TENM2: variants seen among roughly 807,000 people sequenced by gnomAD.
TENM2 encodes the protein teneurin transmembrane protein 2, also known as teneurin-2.
TENM2 carries 52 observed loss-of-function variants against 245.2 expected under a neutral mutation model. The ratio of observed to expected loss-of-function variants is 0.21; its 90% CI spans 0.17 to 0.27. TENM2 has a LOEUF of 0.27. Among genes scored for constraint, TENM2 ranks in the 10% least tolerant of loss-of-function variants. TENM2 has a pLI of 1.00. For missense variants in TENM2, 3,046 were observed against 3,666.8 expected, an observed-to-expected ratio of 0.83 and a Z score of 4.37; for synonymous variants, 1,363 against 1,438.9, an observed-to-expected ratio of 0.95 and a Z score of 1.19.
chr5:167,569,493 A>G (rs1774137873), intron 2 of TENM2, among the ~76,000 whole-genome samples: 2 of 152,204 alleles, frequency 1.3e-5, no homozygotes, highest in African/African-American at 2.4e-5. Context: ...AATGCCTGAC[A>G]TGGATAAAAA....
rs773352228 is a variant in TENM2 at position 168,218,588 on chromosome 5, G to A, written c.4697G>A (p.Arg1566Gln). Residue 1566 changes from arginine to glutamine, a missense_variant, in exon 23 of 29, where the codon CGG becomes CAG. By Grantham distance (43) the Arg-to-Gln change is conservative. This residue lies in a region of TENM2 where 2,704 missense variants were observed against 3,331.9 expected (regional missense o/e 0.81). Coordinates refer to ENST00000518659, the Ensembl canonical transcript of TENM2. This position sits in a 1 kb window ranked among gnomAD's most constrained non-coding sequence, Gnocchi z 5.2. ...TACATTGCAGACCTTGGAAATATTC[G>A]GATCAGGGCGGTCAGCAAGAACAAG... is the stretch of plus-strand genomic sequence containing the variant. 20 of 1,613,926 alleles carry A rather than the reference G, an allele frequency of 1.2e-5. No individual in the cohort carries two copies. Among genetic ancestry groups the A allele is most frequent in the African/African-American group, 2.7e-5 (2 of 75,004 alleles).
In TENM2 at chr5:167,631,562, C is replaced by T. The variant is rs757317755; in HGVS notation, c.503-244424C>T. 3.3e-4 allele frequency among the ~76,000 whole-genome samples: 50 copies of T among 152,122 alleles called. 1 individual carries two copies. The highest frequency in any genetic ancestry group is 6.2e-4 in the South Asian group (3 of 4,812). ...TGCAGGCCTTAGCATGGAATGTGAG[C>T]GAACTCATGACTGCTCCTCCAATGT... is the stretch of plus-strand genomic sequence containing the variant. On this transcript the variant is annotated intron_variant, in intron 2 of 28. Transcript: ENST00000518659.
chr5:167,133,429 A>G, the TENM2 span, among the ~76,000 whole-genome samples: 3 of 152,174 alleles, frequency 2.0e-5, no homozygotes, highest in Non-Finnish European at 4.4e-5. Context: ...ACTCCATTAA[A>G]GAATAGAATA....
the TENM2 span, among the ~76,000 whole-genome samples, chr5:167,214,525 T>C: frequency 1.3e-5 from 2 of 152,200 alleles, no homozygotes; most frequent in African/African-American, 4.8e-5. Flanking sequence ...CAGCTCTCTT[T>C]TTTGTCTATA....
Position 168,162,810 on chromosome 5 carries a change from C to G in TENM2, c.2569+53C>G. ...CCCTAAGAGCAGAGCGTTGTCCATG[C>G]TTTTGTCATAAGTCATTTTTCTTCG... On this transcript the variant is annotated intron_variant, in intron 13 of 28. Transcript: ENST00000518659. 1.3e-5 allele frequency: 21 copies of G among 1,584,270 alleles called. No individual in the cohort carries two copies. The South Asian group carries it at 1.9e-4, about 14-fold the overall frequency.
At chr5:167,432,359 C>A (rs561858847) in intron 2 of TENM2, among the ~76,000 whole-genome samples, 4 of 151,598 alleles carry the variant, frequency 2.6e-5, no homozygotes, top group African/African-American at 9.7e-5. Context: ...TTCTCCATAC[C>A]GGAAAAATAA....
At chr5:168,081,040 C>T (rs1189239404) in intron 7 of TENM2, among the ~76,000 whole-genome samples, 1 of 152,150 alleles carries the variant, frequency 6.6e-6, no homozygotes, top group Non-Finnish European at 1.5e-5. Context: ...GTGTTAAAGT[C>T]TCCCATTATT....
intron 1 of TENM2, among the ~76,000 whole-genome samples, chr5:167,357,702 G>T (rs1053621701): frequency 6.6e-6 from 1 of 152,150 alleles, no homozygotes; most frequent in Non-Finnish European, 1.5e-5. Context: ...TGCTATGTGT[G>T]TACGATAATA....
At chr5:167,775,916 CTG>C (rs1277310079) in intron 2 of TENM2, among the ~76,000 whole-genome samples, 2 of 151,986 alleles carry the variant, frequency 1.3e-5, no homozygotes, top group Non-Finnish European at 2.9e-5. Context: ...TGCTCAGTGA[CTG>C]TTTATTGAGT....
intron 2 of TENM2, among the ~76,000 whole-genome samples, chr5:167,669,759 C>CA (rs1230448472): frequency 6.6e-6 from 1 of 151,846 alleles, no homozygotes; most frequent in Admixed American, 6.6e-5. Context: ...TGTAATTAAG[C>CA]AAAACGGTTT....
At chr5:168,034,035 A>C (rs1787381119) in intron 5 of TENM2, among the ~76,000 whole-genome samples, 1 of 136,258 alleles carries the variant, frequency 7.3e-6, no homozygotes, top group African/African-American at 2.6e-5. Context: ...TCAAATATAT[A>C]TATATATGTG....
At chr5:167,353,352 T>C (rs946921717) in intron 1 of TENM2, among the ~76,000 whole-genome samples, 2 of 151,684 alleles carry the variant, frequency 1.3e-5, no homozygotes, top group African/African-American at 2.4e-5. Context: ...AGAAAGTTTA[T>C]TGCTTGAAAT....
chr5:167,207,108 G>T, the TENM2 span, among the ~76,000 whole-genome samples: 23 of 152,016 alleles, frequency 1.5e-4, no homozygotes, highest in African/African-American at 5.3e-4. Context: ...TGTGAACCGT[G>T]AGTTTGAGTG....
chr5:167,458,874 A>G (rs1375929828), intron 2 of TENM2, among the ~76,000 whole-genome samples: 1 of 152,224 alleles, frequency 6.6e-6, no homozygotes, highest in Non-Finnish European at 1.5e-5. Flanking sequence ...CCAGGATCCA[A>G]AAGCAGGCAA....
At chr5:167,923,497 A>C (rs1162439731) in intron 3 of TENM2, among the ~76,000 whole-genome samples, 3 of 152,176 alleles carry the variant, frequency 2.0e-5, no homozygotes, top group Non-Finnish European at 4.4e-5. Flanking sequence ...ATAATCTCAG[A>C]ACCTCCGCCG....
At chr5:168,091,197 A>G (rs1471675257) in intron 8 of TENM2, among the ~76,000 whole-genome samples, 2 of 152,238 alleles carry the variant, frequency 1.3e-5, no homozygotes, top group African/African-American at 4.8e-5. Flanking sequence ...ACATCAGCTC[A>G]GAATTTTTCT....
intron 25 of TENM2, among the ~76,000 whole-genome samples, chr5:168,233,439 G>A (rs1272401046): frequency 6.6e-6 from 1 of 152,206 alleles, no homozygotes; most frequent in Non-Finnish European, 1.5e-5. Context: ...CAGACAACAG[G>A]TGACAAAGAA....
the TENM2 span, among the ~76,000 whole-genome samples, chr5:167,264,968 T>G: frequency 6.6e-6 from 1 of 151,996 alleles, no homozygotes; most frequent in African/African-American, 2.4e-5. Flanking sequence ...AGCTCTTATG[T>G]GAGTCAAATA....
intron 2 of TENM2, among the ~76,000 whole-genome samples, chr5:167,422,956 A>G (rs1215198628): frequency 1.3e-5 from 2 of 152,214 alleles, no homozygotes. Flanking sequence ...CACTCTTACC[A>G]GGAAAACACA....
Sources: allele counts gnomAD v4.1 joint callset (sites outside exome capture counted in the v4.1 genomes callset), GRCh38; gene constraint gnomAD v4.1.1; regional missense constraint gnomAD v4.1.1; non-coding constraint Gnocchi (gnomAD v3.1); transcripts MANE v1.5; gene names NCBI Gene and HGNC (gene_info 2026-07-23, HGNC 2026-07-21).